The following TEX11 variants were observed in gnomAD, a reference collection of about 807,000 sequenced individuals.
TEX11 encodes testis expressed 11.
TEX11 carries 7 observed loss-of-function variants against 84.4 expected under a neutral mutation model. The observed-to-expected ratio is 0.08, with a 90% CI of 0.05 to 0.16. TEX11 has a LOEUF of 0.16. TEX11 is among the 10% of genes least tolerant of loss of function. The pLI is 1.00. For missense variants in TEX11, 551 were observed against 660.5 expected, an observed-to-expected ratio of 0.83 and a Z score of 1.82; for synonymous variants, 264 against 222.8, an observed-to-expected ratio of 1.18 and a Z score of -1.64.
intron 9 of TEX11, among the ~76,000 whole-genome samples, chrX:70,774,413 C>T (rs1328294160): frequency 9.1e-6 from 1 of 110,476 alleles, no homozygotes; most frequent in African/African-American, 3.3e-5. Flanking sequence ...AAAAGGCATC[C>T]GAACTGGAAA....
Position 70,714,945 on chromosome X carries a change from T to C in TEX11, c.1004+7673A>G, listed in dbSNP as rs759570513. ...GTGGCTTGTACCGGTTGTTCCTTTC[T>C]ATGTTTAGTGCTTCCTTCAGGAGCT... On this transcript the variant is annotated intron_variant, in intron 13 of 29. Coordinates refer to ENST00000374333, the MANE Select transcript of TEX11 (RefSeq NM_031276.3). Among the ~76,000 whole-genome samples, 15 of 111,738 alleles carry C rather than the reference T, an allele frequency of 1.3e-4. 1 individual carries two copies. The South Asian group carries it at 3.0e-3, about 23-fold the overall frequency.
intron 24 of TEX11, among the ~76,000 whole-genome samples, chrX:70,594,813 T>C (rs1385133420): frequency 9.0e-6 from 1 of 111,349 alleles, no homozygotes; most frequent in Non-Finnish European, 1.9e-5. Context: ...TCACTCGGCT[T>C]TCATTCTCTT....
chrX:70,731,573 C>T (rs766484269), intron 11 of TEX11, among the ~76,000 whole-genome samples: 7 of 111,500 alleles, frequency 6.3e-5, no homozygotes, highest in Non-Finnish European at 9.4e-5. Flanking sequence ...ATAAATTCCT[C>T]GATACATACA....
At chrX:70,529,715 G>A (rs1336820900) in intron 29 of TEX11, 120 bp downstream of exon 29, 5 of 729,761 alleles carry the variant, frequency 6.9e-6, no homozygotes, top group Non-Finnish European at 7.7e-6. Context: ...CCATTGAGAG[G>A]AACAATGAGC....
intron 13 of TEX11, among the ~76,000 whole-genome samples, chrX:70,711,619 A>G (rs1375825546): frequency 2.7e-5 from 3 of 111,659 alleles, no homozygotes; most frequent in Non-Finnish European, 5.7e-5. Flanking sequence ...ATCCTTTGCC[A>G]ACTTGTTGAT....
At position 70,718,506 on chromosome X, in the gene TEX11, C is replaced by T. The variant is rs1054880040; in HGVS notation, c.1004+4112G>A. Among the ~76,000 whole-genome samples, 64 of 111,909 alleles carry T rather than the reference C, an allele frequency of 5.7e-4. 1 individual carries two copies. Among genetic ancestry groups the T allele is most frequent in the East Asian group, 1.1e-3 (4 of 3,577 alleles). The stretch of plus-strand genomic sequence containing the variant: ...GTGTAACTACTTATGAGCACTTTCG[C>T]GAGAAAGATTCAGAGTGTTTATATG... On this transcript the variant is annotated intron_variant, in intron 13 of 29. Coordinates refer to ENST00000374333, the MANE Select transcript of TEX11 (RefSeq NM_031276.3).
chrX:70,694,247 G>A (rs776402910), intron 13 of TEX11, among the ~76,000 whole-genome samples: 1 of 111,119 alleles, frequency 9.0e-6, no homozygotes, highest in African/African-American at 3.3e-5. Flanking sequence ...GTTTCACCAC[G>A]TTGGCCAGGA....
At chrX:70,589,949 C>T (rs1318491350) in intron 25 of TEX11, among the ~76,000 whole-genome samples, 1 of 111,902 alleles carries the variant, frequency 8.9e-6, no homozygotes, top group Non-Finnish European at 1.9e-5. Flanking sequence ...TAAAAAATGT[C>T]CAGGTGGTAG....
chrX:70,893,280 A>G (rs904964294), intron 2 of TEX11, among the ~76,000 whole-genome samples: 2 of 111,871 alleles, frequency 1.8e-5, no homozygotes, highest in African/African-American at 6.5e-5. Context: ...ACTTATTCTA[A>G]AATTGACCAC....
At position 70,607,033 on chromosome X, in the gene TEX11, G is replaced by A; in HGVS notation, c.1880-4C>T. On this transcript the variant is annotated splice_polypyrimidine_tract_variant and splice_region_variant and intron_variant, in intron 22 of 29. Coordinates refer to ENST00000374333, the MANE Select transcript of TEX11 (RefSeq NM_031276.3). The stretch of plus-strand genomic sequence containing the variant: ...CATTGCACAGCCAAGTTCCAAGCTG[G>A]AAATTAACATGAAATAACATAATAA... The A allele has an allele frequency of 8.5e-7, 1 of 1,176,049 alleles. No homozygotes were observed.
At chrX:70,785,313 A>G (rs2091070857) in intron 9 of TEX11, among the ~76,000 whole-genome samples, 1 of 112,220 alleles carries the variant, frequency 8.9e-6, no homozygotes, top group African/African-American at 3.2e-5. Context: ...TACAGCTTAT[A>G]CAAAAATTAA....
At chrX:70,558,427 T>C (rs914989586) in intron 25 of TEX11, among the ~76,000 whole-genome samples, 2 of 111,265 alleles carry the variant, frequency 1.8e-5, no homozygotes, top group Admixed American at 1.9e-4. Context: ...TAACTCGAAA[T>C]AGATCAAATA....
At chrX:70,615,212 G>C (rs758551801) in intron 20 of TEX11, among the ~76,000 whole-genome samples, 6 of 111,497 alleles carry the variant, frequency 5.4e-5, no homozygotes, top group African/African-American at 1.6e-4. Context: ...AGACACCAGG[G>C]ACCAGTTCTG....
At chrX:70,902,655 G>A (rs1280593168) in intron 2 of TEX11, among the ~76,000 whole-genome samples, 1 of 110,257 alleles carries the variant, frequency 9.1e-6, no homozygotes, top group African/African-American at 3.3e-5. Context: ...TGGAGTAGCT[G>A]GGACCACAGA....
At chrX:70,815,412 T>C (rs1013625453) in intron 8 of TEX11, among the ~76,000 whole-genome samples, 1 of 111,201 alleles carries the variant, frequency 9.0e-6, no homozygotes, top group African/African-American at 3.3e-5. Flanking sequence ...ATTACAGTAG[T>C]TCCCCCCATC....
At chrX:70,581,961 C>G (rs2088782440) in intron 25 of TEX11, among the ~76,000 whole-genome samples, 1 of 111,519 alleles carries the variant, frequency 9.0e-6, no homozygotes, top group African/African-American at 3.3e-5. Flanking sequence ...TCTTCGTACT[C>G]TGAAATATTA....
rs769481557 is a variant in TEX11 at position 70,530,009 on chromosome X, A to G, written c.2521-10T>C. On this transcript the variant is annotated splice_polypyrimidine_tract_variant and intron_variant, in intron 28 of 29. Transcript: ENST00000374333. ...TTTCTGGGTAGTCTTTCTATAATCC[A>G]AGAACAGAAATTTTGCAGTTATTAC... 1 of 1,200,350 alleles carries G rather than the reference A, an allele frequency of 8.3e-7. No homozygotes were observed. The highest frequency in any genetic ancestry group is 1.1e-6 in the Non-Finnish European group (1 of 889,045).
intron 9 of TEX11, among the ~76,000 whole-genome samples, chrX:70,804,788 A>C (rs1307249688): frequency 9.0e-6 from 1 of 111,043 alleles, no homozygotes. Flanking sequence ...TAAGAAGTCA[A>C]AAACCAATGG....
chrX:70,906,533 A>G (rs2091834835), intron 2 of TEX11, among the ~76,000 whole-genome samples: 1 of 111,252 alleles, frequency 9.0e-6, no homozygotes, highest in Middle Eastern at 4.2e-3. Context: ...CACACCTGTA[A>G]TCCCAGCACT....
Sources: gnomAD v4.1 joint callset for allele counts (sites outside exome capture counted in the v4.1 genomes callset) on GRCh38, gnomAD v4.1.1 for gene constraint, MANE v1.5 for transcripts, NCBI Gene and HGNC (gene_info 2026-07-23, HGNC 2026-07-21) for gene names.